Variants in DHH observed in about 807,000 individuals in gnomAD.
DHH encodes desert hedgehog protein.
In DHH, 16 loss-of-function variants were observed where a neutral mutation model predicts 27.6. The observed-to-expected ratio is 0.58, with a 90% CI of 0.39 to 0.88. The LOEUF (loss-of-function observed/expected upper bound fraction) is 0.88. DHH is among the 40% of genes least tolerant of loss of function. The probability of loss-of-function intolerance (pLI) is 0.00; values close to 1 mark genes in which losing one functional copy is unlikely to be tolerated. For missense variants in DHH, 436 were observed against 563.1 expected (o/e 0.77, Z 2.28); for synonymous variants, 289 against 263.4 (o/e 1.10, Z -0.94).
rs1486648500 is a variant in DHH at position 49,094,391 on chromosome 12, A to T, written c.122T>A (p.Val41Glu). Residue 41 changes from valine to glutamate, a missense_variant, in exon 1 of 3, where the codon GTG becomes GAG. Coordinates refer to ENST00000649637, the MANE Select transcript of DHH (RefSeq NM_021044.4). ...CACAAATTGCTTGTAGAGTAGCGGC[A>T]CGAGCTGCTTGCGCGCATAGCGGCG... ...GRRRYARKQL[V>E]PLLYKQFVPG... 4 of 1,612,276 alleles carry T rather than the reference A, an allele frequency of 2.5e-6. No homozygotes were observed. The highest frequency in any genetic ancestry group is 3.4e-6 in the Non-Finnish European group (4 of 1,179,658).
rs573455739 is a variant in DHH at position 49,087,152 on chromosome 12, A to G, written c.*2707T>C. Among the ~76,000 whole-genome samples, 3 of 151,520 alleles carry G rather than the reference A, an allele frequency of 2.0e-5. No individual in the cohort carries two copies. The South Asian group carries it at 6.3e-4, about 32-fold the overall frequency. On this transcript the variant is annotated 3_prime_UTR_variant, in exon 3 of 3. Transcript: ENST00000649637. ...CCAAGTGAATATGCCCACCTGCTGC[A>G]CCAAGATGGTGCGCATTGCCGCTTG...
At position 49,089,867 on chromosome 12, in the gene DHH, G is replaced by A. The variant is rs1438198158; in HGVS notation, c.1183C>T (p.Leu395=). Residue 395 remains leucine (L), a synonymous_variant, in exon 3 of 3, where the codon CTG becomes TTG. Coordinates refer to ENST00000649637, the MANE Select transcript of DHH (RefSeq NM_021044.4). The part of the protein sequence containing the change: ...RLLYRLAEEL[L]G ...TTCTATGCCTGGGACGCTCAGCCCA[G>A]TAGCTCCTCCGCTAAGCGGTAGAGG... 2 of 1,569,524 alleles carry A rather than the reference G, an allele frequency of 1.3e-6. No homozygotes were observed. The highest frequency in any genetic ancestry group is 8.6e-7 in the Non-Finnish European group (1 of 1,156,356).
Position 49,090,647 on chromosome 12 carries a change from T to C in DHH, c.566-163A>G, listed in dbSNP as rs1249268011. Among the ~76,000 whole-genome samples, 2 of 151,856 alleles carry C rather than the reference T, an allele frequency of 1.3e-5. No homozygotes were observed. On this transcript the variant is annotated intron_variant, in intron 2 of 2. Transcript: ENST00000649637. The surrounding 1 kb of genome is among the most constrained non-coding windows in gnomAD (Gnocchi z 5.2). ...GAAGGGCGGTTTTTCTTTCTTTTCT[T>C]TTCCTTTTTCTTCTCTTTTCTATGT...
Position 49,094,555 on chromosome 12 carries a change from A to G in DHH, c.-43T>C. 6.5e-7 allele frequency: 1 copy of G among 1,545,926 alleles called. No individual in the cohort carries two copies. Among genetic ancestry groups the G allele is most frequent in the Non-Finnish European group, 8.7e-7 (1 of 1,143,338 alleles). On this transcript the variant is annotated 5_prime_UTR_variant, in exon 1 of 3. Coordinates refer to ENST00000649637, the MANE Select transcript of DHH (RefSeq NM_021044.4). Reference sequence around the variant, plus strand: ...GCCAAAAGGGAGCGTTCTTGTCCTCACTAACTCTCCTGTCAGTTAGGCATC... The same window carrying G: ...GCCAAAAGGGAGCGTTCTTGTCCTCGCTAACTCTCCTGTCAGTTAGGCATC...
At position 49,091,388 on chromosome 12, in the gene DHH, C is replaced by G. The variant is rs149972274; in HGVS notation, c.305G>C (p.Arg102Pro). Residue 102 changes from arginine (R) to proline (P), a missense_variant and splice_region_variant, in exon 2 of 3, where the codon CGT becomes CCT. Coordinates refer to ENST00000649637, the MANE Select transcript of DHH (RefSeq NM_021044.4). This position sits in a 1 kb window ranked among gnomAD's most constrained non-coding sequence, Gnocchi z 4.8. ...CAAAGCGTTCACCCGCTCCTTACAACGCTGGCGGGGAATAAAGGAGTCAGT... is the reference window on the plus strand; with the variant it reads ...CAAAGCGTTCACCCGCTCCTTACAAGGCTGGCGGGGAATAAAGGAGTCAGT... ...NSGADRLMTE[R>P]CKERVNALAI... 38 of 1,613,988 alleles carry G rather than the reference C, an allele frequency of 2.4e-5. No homozygotes were observed. Among genetic ancestry groups the G allele is most frequent in the Non-Finnish European group, 3.1e-5 (37 of 1,180,030 alleles).
rs1398729150 is a variant in DHH at position 49,090,636 on chromosome 12, C to G, written c.566-152G>C. ...GGGCAGAAAAGGAAGGGCGGTTTTT[C>G]TTTCTTTTCTTTTCCTTTTTCTTCT... On this transcript the variant is annotated intron_variant, in intron 2 of 2. Coordinates refer to ENST00000649637, the MANE Select transcript of DHH (RefSeq NM_021044.4). This position sits in a 1 kb window ranked among gnomAD's most constrained non-coding sequence, Gnocchi z 5.2. 1.0e-6 allele frequency: 1 copy of G among 971,064 alleles called. No homozygotes were observed. Among genetic ancestry groups the G allele is most frequent in the Non-Finnish European group, 1.5e-6 (1 of 660,028 alleles). The allele number at this position is 971,064 out of a possible 1,614,324, so 60.2% of individuals were successfully genotyped here.
chr12:49,089,604 G>T lies in DHH; in HGVS notation c.*255C>A. 2.5e-6 allele frequency: 1 copy of T among 392,830 alleles called. No homozygotes were observed. The highest frequency in any genetic ancestry group is 3.7e-5 in the East Asian group (1 of 27,234). The allele number at this position is 392,830 out of a possible 1,614,324, so 24.3% of individuals were successfully genotyped here. On this transcript the variant is annotated 3_prime_UTR_variant, in exon 3 of 3. Coordinates refer to ENST00000649637, the MANE Select transcript of DHH (RefSeq NM_021044.4). ...AATAAGAAATAAAATAAAATTATCG[G>T]GTGGGGCTGAAGCACTGGGGGAGAG...
At position 49,091,387 on chromosome 12, in the gene DHH, A is replaced by ACG. The variant is rs1939301195; in HGVS notation, c.304_305dup (p.Cys103ValfsTer6). On this transcript the variant is annotated frameshift_variant and splice_region_variant, in exon 2 of 3. Transcript: ENST00000649637. LOFTEE classifies it high-confidence loss of function. The surrounding 1 kb of genome is among the most constrained non-coding windows in gnomAD (Gnocchi z 4.8). ...CCAAAGCGTTCACCCGCTCCTTACA[A>ACG]CGCTGGCGGGGAATAAAGGAGTCAG... The ACG allele has an allele frequency of 6.2e-7, 1 of 1,613,832 alleles. No individual in the cohort carries two copies. Among genetic ancestry groups the ACG allele is most frequent in the African/African-American group, 1.3e-5 (1 of 74,860 alleles).
intron 1 of DHH, 32 bp downstream of exon 1, chr12:49,094,178 C>T: frequency 6.2e-7 from 1 of 1,612,336 alleles, no homozygotes; most frequent in East Asian, 2.2e-5. Context: ...GCTGGCAGTG[C>T]CCCGGCGCAG....
In DHH at chr12:49,091,390, C is replaced by T; in HGVS notation, c.304-1G>A. ...AAGCGTTCACCCGCTCCTTACAACG[C>T]TGGCGGGGAATAAAGGAGTCAGTCT... On this transcript the variant is annotated splice_acceptor_variant, in intron 1 of 2. Coordinates refer to ENST00000649637, the MANE Select transcript of DHH (RefSeq NM_021044.4). LOFTEE classifies it high-confidence loss of function. The surrounding 1 kb of genome is among the most constrained non-coding windows in gnomAD (Gnocchi z 4.8). 2 of 1,614,098 alleles carry T rather than the reference C, an allele frequency of 1.2e-6. No homozygotes were observed. The highest frequency in any genetic ancestry group is 1.7e-6 in the Non-Finnish European group (2 of 1,180,032).
In DHH at chr12:49,088,908, C is replaced by A. The variant is rs1371852524; in HGVS notation, c.*951G>T. ...AATATTCCAGCCTCTTACTGTGCCC[C>A]CCTTCCTTTTTCAGGCCATGACTAT... is the stretch of plus-strand genomic sequence containing the variant. On this transcript the variant is annotated 3_prime_UTR_variant, in exon 3 of 3. Coordinates refer to ENST00000649637, the MANE Select transcript of DHH (RefSeq NM_021044.4). Among the ~76,000 whole-genome samples the A allele has an allele frequency of 6.6e-6, 1 of 152,230 alleles. No homozygotes were observed. Among genetic ancestry groups the A allele is most frequent in the South Asian group, 2.1e-4 (1 of 4,834 alleles).
rs1247671379 is a variant in DHH, at chr12:49,089,675, C to G, written c.*184G>C. The G allele has an allele frequency of 2.8e-6, 2 of 703,460 alleles. No individual in the cohort carries two copies. Among genetic ancestry groups the G allele is most frequent in the Non-Finnish European group, 2.2e-6 (1 of 463,456 alleles). The allele number at this position is 703,460 out of a possible 1,614,324, so 43.6% of individuals were successfully genotyped here. ...GAGTGCGCACCATCAGCCCTACCTA[C>G]CTAGGACCCGGTATCACCTCCTCTC... On this transcript the variant is annotated 3_prime_UTR_variant, in exon 3 of 3. Transcript: ENST00000649637.
At chr12:49,092,251 C>G (rs1267108180) in intron 1 of DHH, 1 of 152,436 alleles carries the variant, frequency 6.6e-6, no homozygotes, top group East Asian at 1.9e-4. Context: ...CCTATCTCTC[C>G]CATCTCTGCT....
Position 49,088,197 on chromosome 12 carries a change from T to C in DHH, c.*1662A>G, listed in dbSNP as rs772581653. ...ACCACAGAGCTAAACTAGGCAGGAG[T>C]GATGTAAAAGTGCCATGGTTTGGAA... is the stretch of plus-strand genomic sequence containing the variant. On this transcript the variant is annotated 3_prime_UTR_variant, in exon 3 of 3. Coordinates refer to ENST00000649637, the MANE Select transcript of DHH (RefSeq NM_021044.4). 2.6e-4 allele frequency among the ~76,000 whole-genome samples: 39 copies of C among 151,190 alleles called. No homozygotes were observed. The highest frequency in any genetic ancestry group is 3.2e-3 in the Middle Eastern group (1 of 316).
Position 49,091,523 on chromosome 12 carries a change from A to C in DHH, c.304-134T>G. 7.5e-7 allele frequency: 1 copy of C among 1,331,370 alleles called. No individual in the cohort carries two copies. The highest frequency in any genetic ancestry group is 1.3e-5 in the South Asian group (1 of 78,012). The allele number at this position is 1,331,370 out of a possible 1,614,324, so 82.5% of individuals were successfully genotyped here. ...AGCTTTTGAGTGTCCTGGAGAAATGAGAATCTGAGTCGATGGTAGTCACCA... is the reference window on the plus strand; with the variant it reads ...AGCTTTTGAGTGTCCTGGAGAAATGCGAATCTGAGTCGATGGTAGTCACCA... On this transcript the variant is annotated intron_variant, in intron 1 of 2. Transcript: ENST00000649637. The surrounding 1 kb of genome is among the most constrained non-coding windows in gnomAD (Gnocchi z 4.8).
rs201147185 is a variant in DHH at position 49,094,193 on chromosome 12, G to A, written c.303+17C>T. 101 of 1,613,238 alleles carry A rather than the reference G, an allele frequency of 6.3e-5. No individual in the cohort carries two copies. Among genetic ancestry groups the A allele is most frequent in the Middle Eastern group, 5.0e-4 (3 of 5,996 alleles). Reference sequence around the variant, plus strand: ...GCTGGCAGTGCCCCGGCGCAGGTAGGGAGAGGCCCTCCTTACCTCGGTCAT... The same window carrying A: ...GCTGGCAGTGCCCCGGCGCAGGTAGAGAGAGGCCCTCCTTACCTCGGTCAT... On this transcript the variant is annotated intron_variant, in intron 1 of 2. Transcript: ENST00000649637.
In DHH at chr12:49,094,749, G is replaced by A; in HGVS notation, c.-237C>T. The A allele has an allele frequency of 1.7e-6, 1 of 605,968 alleles. No homozygotes were observed. The highest frequency in any genetic ancestry group is 2.9e-6 in the Non-Finnish European group (1 of 339,976). 37.5% of individuals were successfully genotyped at this position (605,968 alleles called of 1,614,324 possible). A position where few individuals can be genotyped will look rare whatever the true frequency, so the allele number is the denominator to read the frequency against. Reference sequence around the variant, plus strand: ...ACCATCATAGCAGGGAAGGGGGGTCGTGGGTGAGTGCCAGCCCAGCCCGTC... The same window carrying A: ...ACCATCATAGCAGGGAAGGGGGGTCATGGGTGAGTGCCAGCCCAGCCCGTC... On this transcript the variant is annotated 5_prime_UTR_variant, in exon 1 of 3. The change creates a new upstream start codon in the 5' untranslated region. Coordinates refer to ENST00000649637, the MANE Select transcript of DHH (RefSeq NM_021044.4).
In DHH at chr12:49,089,002, A is replaced by T. The variant is rs1939249655; in HGVS notation, c.*857T>A. ...GTTGGCCCAGTGGCATATCAGAAAA[A>T]ACATCCACCCCATCCAGGCCCTGCC... On this transcript the variant is annotated 3_prime_UTR_variant, in exon 3 of 3. Coordinates refer to ENST00000649637, the MANE Select transcript of DHH (RefSeq NM_021044.4). Among the ~76,000 whole-genome samples the T allele has an allele frequency of 6.6e-6, 1 of 152,190 alleles. No individual in the cohort carries two copies. The highest frequency in any genetic ancestry group is 1.5e-5 in the Non-Finnish European group (1 of 68,040).
In DHH at chr12:49,094,356, G is replaced by T; in HGVS notation, c.157C>A (p.Pro53Thr). ...LLYKQFVPGV[P>T]ERTLGASGPA... ...CCACTGGCGCCCAGGGTCCGCTCTG[G>T]CACGCCGGGCACAAATTGCTTGTAG... is the stretch of plus-strand genomic sequence containing the variant. Residue 53 changes from proline to threonine, a missense_variant, in exon 1 of 3, where the codon CCA becomes ACA. Physicochemically the swap from Pro to Thr is conservative, Grantham distance 38. Coordinates refer to ENST00000649637, the MANE Select transcript of DHH (RefSeq NM_021044.4). 6.2e-7 allele frequency: 1 copy of T among 1,612,992 alleles called. No individual in the cohort carries two copies.
Sources: gnomAD v4.1 joint callset for allele counts (sites outside exome capture counted in the v4.1 genomes callset) on GRCh38, gnomAD v4.1.1 for gene constraint, Gnocchi (gnomAD v3.1) non-coding constraint, MANE v1.5 for transcripts, NCBI Gene and HGNC (gene_info 2026-07-23, HGNC 2026-07-21) for gene names.